The following BLTP3B variants were observed in gnomAD, a reference collection of about 807,000 sequenced individuals.
The protein encoded by BLTP3B is bridge-like lipid transfer protein family member 3B, also known as UHRF1 (ICBP90) binding protein 1-like.
the BLTP3B span, among the ~76,000 whole-genome samples, chr12:100,140,722 AAAAAAAAATAT>A: frequency 8.7e-6 from 1 of 114,848 alleles, no homozygotes; most frequent in Non-Finnish European, 1.8e-5. Flanking sequence ...AAAAAAAAAA[AAAAAAAAATAT>A]ATATATATAT....
chr12:100,137,187 C>T, the BLTP3B span, among the ~76,000 whole-genome samples: 1 of 152,216 alleles, frequency 6.6e-6, no homozygotes, highest in African/African-American at 2.4e-5. Flanking sequence ...CAGACAAAAT[C>T]TCCAACCCTT....
At chr12:100,103,754 T>G in the BLTP3B span, among the ~76,000 whole-genome samples, 1 of 152,146 alleles carries the variant, frequency 6.6e-6, no homozygotes, top group African/African-American at 2.4e-5. Flanking sequence ...AAGCTTCTCA[T>G]TTAAAGGATG....
At chr12:100,073,701 A>G in the BLTP3B span, among the ~76,000 whole-genome samples, 1 of 152,172 alleles carries the variant, frequency 6.6e-6, no homozygotes, top group Non-Finnish European at 1.5e-5. Flanking sequence ...TTCATTTTCC[A>G]AAAAGACTAT....
At chr12:100,128,636 T>C in the BLTP3B span, 2 of 1,286,350 alleles carry the variant, frequency 1.6e-6, no homozygotes, top group Non-Finnish European at 2.0e-6. Flanking sequence ...AAGCAGTCAG[T>C]TGCCAGGGTT....
chr12:100,048,078 C>T, the BLTP3B span: 4 of 1,613,154 alleles, frequency 2.5e-6, no homozygotes, highest in South Asian at 1.1e-5. Context: ...CTATGTGGCA[C>T]TGCAGAAATC....
chr12:100,102,707 T>C, the BLTP3B span: 2 of 1,169,196 alleles, frequency 1.7e-6, no homozygotes, highest in Non-Finnish European at 1.2e-6. Flanking sequence ...AGGCTTTTTT[T>C]TTTTTTTTTT....
chr12:100,074,655 T>C, the BLTP3B span, among the ~76,000 whole-genome samples: 1 of 150,338 alleles, frequency 6.7e-6, no homozygotes, highest in East Asian at 1.9e-4. Flanking sequence ...GTCATTCCTA[T>C]CAAACTACAA....
chr12:100,114,358 T>C, the BLTP3B span, among the ~76,000 whole-genome samples: 1 of 152,050 alleles, frequency 6.6e-6, no homozygotes, highest in East Asian at 1.9e-4. Flanking sequence ...TAATGGAGAG[T>C]GACTGAGAAA....
the BLTP3B span, chr12:100,088,957 G>A: frequency 5.1e-3 from 8,205 of 1,609,398 alleles, 26 homozygotes; most frequent in Non-Finnish European, 6.4e-3. Context: ...TGTAGATCTA[G>A]ATGAGAAATC....
the BLTP3B span, among the ~76,000 whole-genome samples, chr12:100,119,121 AAAAT>A: frequency 3.3e-5 from 5 of 152,082 alleles, no homozygotes; most frequent in African/African-American, 7.2e-5. Context: ...ATAAAATAAA[AAAAT>A]AAATAAATAA....
chr12:100,039,653 A>C, the BLTP3B span: 1 of 1,614,036 alleles, frequency 6.2e-7, no homozygotes, highest in Non-Finnish European at 8.5e-7. Context: ...GAGAAGGCCA[A>C]GGAACCCCTG....
the BLTP3B span, chr12:100,089,035 C>A: frequency 6.2e-7 from 1 of 1,610,684 alleles, no homozygotes; most frequent in South Asian, 1.1e-5. Flanking sequence ...TCATTTACAT[C>A]AGGAGCATTT....
the BLTP3B span, chr12:100,092,985 T>G: frequency 1.0e-6 from 1 of 984,820 alleles, no homozygotes; most frequent in Non-Finnish European, 1.2e-6. Flanking sequence ...AGTTCTGAAC[T>G]TTTCTCTCTT....
At chr12:100,130,986 A>AGAGG in the BLTP3B span, among the ~76,000 whole-genome samples, 2 of 47,526 alleles carry the variant, frequency 4.2e-5, no homozygotes, top group African/African-American at 4.7e-4. Flanking sequence ...AGGGAGGGAG[A>AGAGG]GAGAGAGAGA....
At chr12:100,086,361 G>T in the BLTP3B span, 3 of 472,138 alleles carry the variant, frequency 6.4e-6, no homozygotes, top group Non-Finnish European at 1.1e-5. Context: ...GTTTGACTCT[G>T]GGAAAAAAAA....
the BLTP3B span, chr12:100,098,314 T>C: frequency 6.5e-7 from 1 of 1,535,342 alleles, no homozygotes; most frequent in South Asian, 1.2e-5. Context: ...TACTTGTCAC[T>C]AAATGAAACA....
chr12:100,067,665 T>G, the BLTP3B span, among the ~76,000 whole-genome samples: 2 of 151,572 alleles, frequency 1.3e-5, no homozygotes, highest in African/African-American at 4.9e-5. Context: ...AACAGACCAA[T>G]AACAAGCAGC....
chr12:100,103,624 G>A, the BLTP3B span, among the ~76,000 whole-genome samples: 1 of 152,158 alleles, frequency 6.6e-6, no homozygotes, highest in Non-Finnish European at 1.5e-5. Flanking sequence ...AAATGTTACT[G>A]AAAGAATAAT....
chr12:100,112,584 G>A, the BLTP3B span, among the ~76,000 whole-genome samples: 2 of 152,024 alleles, frequency 1.3e-5, no homozygotes, highest in Admixed American at 1.3e-4. Flanking sequence ...ACTTGATTTA[G>A]ATTATACATT....
Sources: gnomAD v4.1 joint callset for allele counts (sites outside exome capture counted in the v4.1 genomes callset) on GRCh38, gnomAD v4.1.1 for gene constraint, MANE v1.5 for transcripts, NCBI Gene and HGNC (gene_info 2026-07-23, HGNC 2026-07-21) for gene names.